EPHA3: variants seen among roughly 807,000 people sequenced by gnomAD.
EPHA3 encodes the protein EPH receptor A3.
Under a neutral mutation model 107.1 loss-of-function variants are expected in EPHA3, and 42 were observed. That is an observed-to-expected ratio of 0.39 (90% CI 0.31 to 0.51). The LOEUF (loss-of-function observed/expected upper bound fraction) is 0.51. Among genes scored for constraint, EPHA3 ranks in the 20% least tolerant of loss-of-function variants. The pLI is 0.78. For synonymous variants in EPHA3, 461 were observed against 424.8 expected, an observed-to-expected ratio of 1.09 and a Z score of -1.05; for missense variants, 1,183 against 1,211.2, an observed-to-expected ratio of 0.98 and a Z score of 0.35.
At chr3:89,202,530 AAAAAAT>A (rs1261924225) in intron 2 of EPHA3, among the ~76,000 whole-genome samples, 1,013 of 27,218 alleles carry the variant, frequency 0.037, 6 homozygotes, top group Admixed American at 0.053. Flanking sequence ...AAAAAAAAAA[AAAAAAT>A]ATATATATAT....
At chr3:89,238,626 A>G (rs1704826143) in intron 3 of EPHA3, among the ~76,000 whole-genome samples, 1 of 152,212 alleles carries the variant, frequency 6.6e-6, no homozygotes, top group Non-Finnish European at 1.5e-5. Context: ...ATTGTCATTT[A>G]TGACGATTTA....
intron 2 of EPHA3, among the ~76,000 whole-genome samples, chr3:89,136,856 T>G (rs1300616047): frequency 1.3e-5 from 2 of 151,952 alleles, no homozygotes; most frequent in African/African-American, 4.8e-5. Flanking sequence ...TTCTTTATTT[T>G]TTTAAAGTAG....
At chr3:89,227,343 T>A (rs1348630069) in intron 3 of EPHA3, among the ~76,000 whole-genome samples, 1 of 152,004 alleles carries the variant, frequency 6.6e-6, no homozygotes, top group East Asian at 1.9e-4. Flanking sequence ...TTCTGAAAAT[T>A]GACTTCAGAC....
intron 8 of EPHA3, 21 bp downstream of exon 8, chr3:89,407,392 A>C: frequency 6.3e-7 from 1 of 1,588,460 alleles, no homozygotes; most frequent in Non-Finnish European, 8.6e-7. Flanking sequence ...AGTCTGTTTC[A>C]CTATTCACTT....
chr3:89,477,812 T>C (rs1340558557), intron 16 of EPHA3, among the ~76,000 whole-genome samples: 1 of 150,872 alleles, frequency 6.6e-6, no homozygotes, highest in Non-Finnish European at 1.5e-5. Flanking sequence ...TAGGTTGCTG[T>C]TGGTAAACAG....
chr3:89,123,559 A>C (rs1576165321), intron 1 of EPHA3, among the ~76,000 whole-genome samples: 1 of 152,190 alleles, frequency 6.6e-6, no homozygotes, highest in East Asian at 1.9e-4. Flanking sequence ...TCAAATCAAC[A>C]GTCCAAGTAA....
intron 3 of EPHA3, among the ~76,000 whole-genome samples, chr3:89,233,088 A>G (rs1183730611): frequency 6.6e-6 from 1 of 152,174 alleles, no homozygotes; most frequent in African/African-American, 2.4e-5. Context: ...TACTTACGTT[A>G]CAAGGTACAG....
At chr3:89,176,497 TA>T (rs55877149) in intron 2 of EPHA3, among the ~76,000 whole-genome samples, 38,443 of 100,542 alleles carry the variant, frequency 0.38, 6,313 homozygotes, top group Middle Eastern at 0.55. Context: ...ATTCCATCTC[TA>T]AAAAAAAAAA....
intron 3 of EPHA3, among the ~76,000 whole-genome samples, chr3:89,337,826 A>C (rs1707428948): frequency 6.6e-6 from 1 of 152,190 alleles, no homozygotes; most frequent in Admixed American, 6.5e-5. Context: ...AAGTAAAAGA[A>C]ACCTAGGCCA....
At chr3:89,199,572 A>G (rs1705921787) in intron 2 of EPHA3, among the ~76,000 whole-genome samples, 1 of 152,090 alleles carries the variant, frequency 6.6e-6, no homozygotes, top group Admixed American at 6.6e-5. Flanking sequence ...TCTTTGGTAA[A>G]TCTTTGAATA....
At chr3:89,401,324 C>T (rs1708958445) in intron 7 of EPHA3, among the ~76,000 whole-genome samples, 1 of 152,166 alleles carries the variant, frequency 6.6e-6, no homozygotes, top group Non-Finnish European at 1.5e-5. Flanking sequence ...CAAAGGAGAG[C>T]TGCCATCCTC....
At chr3:89,149,417 T>C (rs1260010551) in intron 2 of EPHA3, among the ~76,000 whole-genome samples, 1 of 151,990 alleles carries the variant, frequency 6.6e-6, no homozygotes, top group African/African-American at 2.4e-5. Context: ...CAGACACTAG[T>C]ATGTGTTCTT....
intron 5 of EPHA3, among the ~76,000 whole-genome samples, chr3:89,371,977 A>T (rs1193830296): frequency 6.6e-6 from 1 of 151,384 alleles, no homozygotes; most frequent in Non-Finnish European, 1.5e-5. Flanking sequence ...CTTCCAGCCT[A>T]GGGAGTTATC....
intron 2 of EPHA3, among the ~76,000 whole-genome samples, chr3:89,187,596 A>T (rs1482343021): frequency 6.6e-6 from 1 of 152,018 alleles, no homozygotes; most frequent in Non-Finnish European, 1.5e-5. Context: ...TGAGCTGATG[A>T]ATATCAGTGT....
intron 3 of EPHA3, among the ~76,000 whole-genome samples, chr3:89,315,620 A>T (rs536514323): frequency 5.4e-4 from 81 of 150,616 alleles, no homozygotes; most frequent in African/African-American, 1.5e-3. Flanking sequence ...TTTTTAATAA[A>T]AAAAAAAAAA....
At position 89,356,823 on chromosome 3, in the gene EPHA3, A is replaced by G. The variant is rs144885134; in HGVS notation, c.1306+14733A>G. Among the ~76,000 whole-genome samples the G allele has an allele frequency of 2.1e-3, 317 of 150,988 alleles. 5 individuals are homozygous for G. The highest frequency in any genetic ancestry group is 6.3e-3 in the African/African-American group (259 of 41,388). Reference sequence around the variant, plus strand: ...CAAGAACCAAAGGCACACATAAAATAAGAAATTGATAAGACTAATAAAAGG... The same window carrying G: ...CAAGAACCAAAGGCACACATAAAATGAGAAATTGATAAGACTAATAAAAGG... On this transcript the variant is annotated intron_variant, in intron 5 of 16. Transcript: ENST00000336596.
chr3:89,471,691 C>T (rs1710405711), intron 15 of EPHA3, among the ~76,000 whole-genome samples: 1 of 151,792 alleles, frequency 6.6e-6, no homozygotes. Context: ...TTGTATTGTG[C>T]AATATAAATC....
intron 5 of EPHA3, among the ~76,000 whole-genome samples, chr3:89,386,538 G>A (rs1224505273): frequency 6.6e-6 from 1 of 152,236 alleles, no homozygotes; most frequent in Non-Finnish European, 1.5e-5. Flanking sequence ...ATGCCTGGAT[G>A]TCCAGTCAGA....
At chr3:89,267,830 T>C (rs901175129) in intron 3 of EPHA3, among the ~76,000 whole-genome samples, 4 of 152,126 alleles carry the variant, frequency 2.6e-5, no homozygotes, top group African/African-American at 9.7e-5. Context: ...ACTAGAATAT[T>C]AACAGTTGCT....
Sources: allele counts gnomAD v4.1 joint callset (sites outside exome capture counted in the v4.1 genomes callset), GRCh38; gene constraint gnomAD v4.1.1; transcripts MANE v1.5; gene names NCBI Gene and HGNC (gene_info 2026-07-23, HGNC 2026-07-21).